The following ETFA variants were observed in gnomAD, a reference collection of about 807,000 sequenced individuals.
ETFA encodes the protein electron transfer flavoprotein subunit alpha, also known as electron transfer flavoprotein subunit alpha, mitochondrial.
ETFA carries 22 observed loss-of-function variants against 46.2 expected under a neutral mutation model. That is an observed-to-expected ratio of 0.48 (90% CI 0.34 to 0.68). The LOEUF (loss-of-function observed/expected upper bound fraction) is 0.68. Among genes scored for constraint, ETFA ranks in the 30% least tolerant of loss-of-function variants. The pLI, the probability that ETFA is intolerant of heterozygous loss-of-function variation, is 0.01. For synonymous variants in ETFA, 131 were observed against 139.9 expected (o/e 0.94, Z 0.45); for missense variants, 345 against 401.1 (o/e 0.86, Z 1.19).
At position 76,231,403 on chromosome 15, in the gene ETFA, A is replaced by T; in HGVS notation, c.817-5T>A. ...TCCAACAGCAATATAAAGTTCCTGA[A>T]ATAAAAGAGGTCACATTATTAATAT... On this transcript the variant is annotated splice_region_variant and splice_polypyrimidine_tract_variant and intron_variant, in intron 9 of 11. Transcript: ENST00000557943. The T allele has an allele frequency of 6.3e-7, 1 of 1,575,014 alleles. No homozygotes were observed. Among genetic ancestry groups the T allele is most frequent in the Non-Finnish European group, 8.7e-7 (1 of 1,144,744 alleles).
At chr15:76,287,711 A>G in intron 5 of ETFA, 135 bp downstream of exon 5, 1 of 673,216 alleles carries the variant, frequency 1.5e-6, no homozygotes, top group Non-Finnish European at 2.6e-6. Flanking sequence ...CTAGACTAAA[A>G]TTTTCCTCAG....
chr15:76,261,239 G>C, intron 9 of ETFA: 3 of 1,569,104 alleles, frequency 1.9e-6, no homozygotes, highest in Non-Finnish European at 8.8e-7. Context: ...CAAGACAGTT[G>C]GAAAGGGGCA....
At chr15:76,277,887 G>T (rs1051590728) in intron 8 of ETFA, among the ~76,000 whole-genome samples, 3 of 152,120 alleles carry the variant, frequency 2.0e-5, no homozygotes, top group Admixed American at 2.0e-4. Context: ...TCCTGTGGAG[G>T]TTGCTACTTT....
At chr15:76,222,547 G>A (rs1048675082) in intron 11 of ETFA, among the ~76,000 whole-genome samples, 1 of 152,126 alleles carries the variant, frequency 6.6e-6, no homozygotes, top group African/African-American at 2.4e-5. Context: ...CCTAGAGTCT[G>A]TCAAAGGTGC....
chr15:76,239,361 CAT>C (rs954308219), intron 9 of ETFA, among the ~76,000 whole-genome samples: 34 of 152,282 alleles, frequency 2.2e-4, no homozygotes, highest in African/African-American at 8.2e-4. Flanking sequence ...GGCTAATTAA[CAT>C]ATCTATCACA....
intron 9 of ETFA, among the ~76,000 whole-genome samples, chr15:76,231,983 AACACACACACGTACACATACAC>A (rs2039071323): frequency 6.6e-6 from 1 of 152,016 alleles, no homozygotes; most frequent in South Asian, 2.1e-4. Flanking sequence ...AGAGATTTTA[AACACACACACGTACACATACAC>A]ACACACACAC....
chr15:76,228,377 G>A (rs943964139), intron 10 of ETFA: 1 of 199,630 alleles, frequency 5.0e-6, no homozygotes, highest in African/African-American at 2.4e-5. Context: ...GAGAGATGGG[G>A]TTCTCACTGT....
At chr15:76,256,011 A>G (rs1260656915) in intron 9 of ETFA, among the ~76,000 whole-genome samples, 1 of 151,966 alleles carries the variant, frequency 6.6e-6, no homozygotes, top group East Asian at 1.9e-4. Context: ...TAATCCCAGC[A>G]CTTTGGGAGG....
chr15:76,248,799 C>T (rs894716836), intron 9 of ETFA, among the ~76,000 whole-genome samples: 1 of 151,928 alleles, frequency 6.6e-6, no homozygotes, highest in African/African-American at 2.4e-5. Context: ...ATTGTTTGAA[C>T]CCAGGAGGTA....
At chr15:76,305,856 A>G (rs1343773108) in intron 1 of ETFA, among the ~76,000 whole-genome samples, 3 of 133,556 alleles carry the variant, frequency 2.2e-5, no homozygotes, top group East Asian at 2.7e-4. Context: ...TTCAACCTCA[A>G]TAGTTGTTTT....
intron 9 of ETFA, among the ~76,000 whole-genome samples, chr15:76,257,936 G>A (rs543056829): frequency 1.2e-4 from 18 of 145,496 alleles, no homozygotes; most frequent in Admixed American, 2.1e-4. Flanking sequence ...ACCAAACAAC[G>A]CATGTTCTCA....
At chr15:76,241,387 C>T (rs2039186308) in intron 9 of ETFA, among the ~76,000 whole-genome samples, 1 of 151,990 alleles carries the variant, frequency 6.6e-6, no homozygotes, top group Admixed American at 6.6e-5. Flanking sequence ...ATCTGTGATC[C>T]CAGCTACTTG....
intron 9 of ETFA, among the ~76,000 whole-genome samples, chr15:76,266,536 C>T (rs188676361): frequency 5.3e-5 from 8 of 152,216 alleles, no homozygotes; most frequent in South Asian, 2.1e-4. Context: ...TTATAGCCCC[C>T]GATAAAATCC....
chr15:76,274,367 T>C, intron 9 of ETFA, 45 bp downstream of exon 9: 1 of 1,386,074 alleles, frequency 7.2e-7, no homozygotes, highest in Non-Finnish European at 1.0e-6. Context: ...ATACAGTACT[T>C]ATCCCCATAA....
At chr15:76,241,395 T>C (rs917414539) in intron 9 of ETFA, among the ~76,000 whole-genome samples, 3 of 152,174 alleles carry the variant, frequency 2.0e-5, no homozygotes, top group Non-Finnish European at 4.4e-5. Context: ...TCCCAGCTAC[T>C]TGGGAGGCTG....
chr15:76,256,838 C>A (rs930929910), intron 9 of ETFA, among the ~76,000 whole-genome samples: 3 of 152,166 alleles, frequency 2.0e-5, no homozygotes, highest in African/African-American at 7.2e-5. Flanking sequence ...TGTTTAGATA[C>A]ACAAATACTA....
At chr15:76,289,931 T>A (rs1221191458) in intron 4 of ETFA, among the ~76,000 whole-genome samples, 2 of 152,214 alleles carry the variant, frequency 1.3e-5, no homozygotes, top group Non-Finnish European at 2.9e-5. Flanking sequence ...TAACACTCTG[T>A]TAGGTGAACT....
chr15:76,276,743 G>T (rs549738268), intron 8 of ETFA, among the ~76,000 whole-genome samples: 45 of 152,174 alleles, frequency 3.0e-4, no homozygotes, highest in African/African-American at 9.4e-4. Flanking sequence ...AGTCTACTAA[G>T]AAGTCCTTAA....
chr15:76,252,897 C>T (rs1464373660), intron 9 of ETFA, among the ~76,000 whole-genome samples: 2 of 129,932 alleles, frequency 1.5e-5, no homozygotes, highest in African/African-American at 5.8e-5. Context: ...ACACAGAGTA[C>T]TTTTTTTTTT....
Sources: allele counts gnomAD v4.1 joint callset (sites outside exome capture counted in the v4.1 genomes callset), GRCh38; gene constraint gnomAD v4.1.1; transcripts MANE v1.5; gene names NCBI Gene and HGNC (gene_info 2026-07-23, HGNC 2026-07-21).